The following RGS6 variants were observed in gnomAD, a reference collection of about 807,000 sequenced individuals.
The protein encoded by RGS6 is regulator of G protein signaling 6.
Under a neutral mutation model 78.5 loss-of-function variants are expected in RGS6, and 30 were observed. The ratio of observed to expected loss-of-function variants is 0.38; its 90% CI spans 0.29 to 0.52. The LOEUF (loss-of-function observed/expected upper bound fraction) is 0.52. Ranked by LOEUF, RGS6 falls within the 20% of genes least tolerant of loss-of-function variation. The pLI, the probability that RGS6 is intolerant of heterozygous loss-of-function variation, is 0.85. For missense variants in RGS6, 495 were observed against 609.7 expected (o/e 0.81, Z 1.98); for synonymous variants, 206 against 206.0 (o/e 1.00, Z 0.00).
At chr14:72,476,875 G>T in intron 11 of RGS6, 35 bp downstream of exon 11, 1 of 1,567,342 alleles carries the variant, frequency 6.4e-7, no homozygotes, top group Non-Finnish European at 8.8e-7. Context: ...CTCAGGAGGA[G>T]ACGTGGCCAG....
chr14:72,621,028 C>T, the RGS6 span, among the ~76,000 whole-genome samples: 1 of 151,962 alleles, frequency 6.6e-6, no homozygotes, highest in African/African-American at 2.4e-5. Flanking sequence ...GTAATCCCAG[C>T]TACTCAGGAG....
chr14:72,368,349 T>C (rs1424506355), intron 3 of RGS6, among the ~76,000 whole-genome samples: 1 of 152,240 alleles, frequency 6.6e-6, no homozygotes, highest in Non-Finnish European at 1.5e-5. Context: ...TAACTGAATC[T>C]ACCTCATGGA....
At chr14:72,432,056 A>G (rs1219805425) in intron 3 of RGS6, among the ~76,000 whole-genome samples, 1 of 152,214 alleles carries the variant, frequency 6.6e-6, no homozygotes, top group African/African-American at 2.4e-5. Context: ...GACCACTCCA[A>G]CAGTAGAAGC....
At chr14:72,582,723 T>G in the RGS6 span, among the ~76,000 whole-genome samples, 4 of 152,172 alleles carry the variant, frequency 2.6e-5, no homozygotes, top group Admixed American at 2.6e-4. Flanking sequence ...CAGCATGTAG[T>G]GTAGCATGAC....
intron 17 of RGS6, among the ~76,000 whole-genome samples, chr14:72,554,970 C>CATCA (rs2097551078): frequency 6.6e-6 from 1 of 152,180 alleles, no homozygotes; most frequent in African/African-American, 2.4e-5. Flanking sequence ...AAAGGTCCCC[C>CATCA]ATCACTCAGC....
At chr14:72,021,258 G>A (rs1473233599) in intron 2 of RGS6, among the ~76,000 whole-genome samples, 2 of 152,074 alleles carry the variant, frequency 1.3e-5, no homozygotes, top group Middle Eastern at 3.2e-3. Flanking sequence ...GCCTGGCTGA[G>A]CACTTTGCTA....
chr14:72,207,855 T>C (rs766314413), intron 2 of RGS6, among the ~76,000 whole-genome samples: 11 of 152,218 alleles, frequency 7.2e-5, no homozygotes, highest in South Asian at 2.1e-4. Context: ...TTCAGGCTTA[T>C]CATGATTCAT....
At chr14:71,970,908 C>T (rs1031796026) in intron 2 of RGS6, among the ~76,000 whole-genome samples, 42 of 152,056 alleles carry the variant, frequency 2.8e-4, no homozygotes, top group African/African-American at 8.7e-4. Flanking sequence ...GCACCTGCTT[C>T]GATTCTTGAA....
At chr14:72,220,060 C>G (rs1355860953) in intron 2 of RGS6, among the ~76,000 whole-genome samples, 1 of 152,096 alleles carries the variant, frequency 6.6e-6, no homozygotes, top group Non-Finnish European at 1.5e-5. Flanking sequence ...AATCAGTGAA[C>G]AAAAATCAGT....
chr14:72,111,964 C>T (rs1048413454), intron 2 of RGS6, among the ~76,000 whole-genome samples: 4 of 152,150 alleles, frequency 2.6e-5, no homozygotes, highest in East Asian at 1.9e-4. Flanking sequence ...GCCAATTTAT[C>T]GGTTTTACTT....
chr14:72,285,032 C>G (rs920958705), intron 2 of RGS6, among the ~76,000 whole-genome samples: 5 of 152,220 alleles, frequency 3.3e-5, no homozygotes, highest in African/African-American at 7.2e-5. Flanking sequence ...TATCCAACGC[C>G]TGTACCCCCA....
intron 11 of RGS6, among the ~76,000 whole-genome samples, 181 bp from the exon 12 acceptor site, chr14:72,478,087 G>T (rs1191582249): frequency 6.6e-6 from 1 of 152,184 alleles, no homozygotes; most frequent in Non-Finnish European, 1.5e-5. Context: ...TATGAATCTT[G>T]TATGATAGGG....
Position 72,279,157 on chromosome 14 carries a change from C to T in RGS6, c.85-72938C>T, listed in dbSNP as rs1266084297. 4.6e-5 allele frequency among the ~76,000 whole-genome samples: 7 copies of T among 151,910 alleles called. No individual in the cohort carries two copies. The East Asian group carries it at 7.8e-4, about 17-fold the overall frequency. On this transcript the variant is annotated intron_variant, in intron 2 of 17. Coordinates refer to ENST00000553525, the MANE Select transcript of RGS6 (RefSeq NM_001204424.2). ...AATTGCAGTCCATGACAGATGTAAA[C>T]TTTGAGAAACAGGAAAAAGCTGGAA...
intron 2 of RGS6, among the ~76,000 whole-genome samples, chr14:72,017,279 G>GT (rs1376540120): frequency 1.3e-5 from 2 of 152,040 alleles, no homozygotes; most frequent in Non-Finnish European, 2.9e-5. Flanking sequence ...ATTATTGCTG[G>GT]TGTATAGGAA....
intron 2 of RGS6, among the ~76,000 whole-genome samples, chr14:71,965,102 C>G (rs1406210925): frequency 6.6e-6 from 1 of 152,116 alleles, no homozygotes; most frequent in East Asian, 1.9e-4. Flanking sequence ...TTCTTTAAAC[C>G]CAAAGGTTGC....
At chr14:72,070,285 G>A (rs1184940745) in intron 2 of RGS6, among the ~76,000 whole-genome samples, 5 of 152,138 alleles carry the variant, frequency 3.3e-5, no homozygotes, top group African/African-American at 1.2e-4. Flanking sequence ...GATTCTCCTA[G>A]AAAGTATTTA....
intron 2 of RGS6, among the ~76,000 whole-genome samples, chr14:72,288,563 G>C (rs1205460677): frequency 6.6e-6 from 1 of 152,218 alleles, no homozygotes; most frequent in Admixed American, 6.5e-5. Flanking sequence ...GATAGCACAG[G>C]CTGGAGGGAG....
intron 2 of RGS6, among the ~76,000 whole-genome samples, chr14:72,348,433 G>A (rs996417870): frequency 2.0e-5 from 3 of 152,198 alleles, no homozygotes; most frequent in African/African-American, 7.2e-5. Context: ...TGAAATAGAT[G>A]TTCTGAAAAT....
intron 16 of RGS6, among the ~76,000 whole-genome samples, chr14:72,537,090 C>T (rs2097260633): frequency 6.6e-6 from 1 of 152,184 alleles, no homozygotes; most frequent in Non-Finnish European, 1.5e-5. Context: ...TTCAGTACAC[C>T]TGCCCACCCT....
Sources: gnomAD v4.1 joint callset for allele counts (sites outside exome capture counted in the v4.1 genomes callset) on GRCh38, gnomAD v4.1.1 for gene constraint, MANE v1.5 for transcripts, NCBI Gene and HGNC (gene_info 2026-07-23, HGNC 2026-07-21) for gene names.